Variants in TPD52L1 observed in about 807,000 individuals in gnomAD.
The protein encoded by TPD52L1 is tumor protein D53.
In TPD52L1, 18 loss-of-function variants were observed where a neutral mutation model predicts 28.7. The ratio of observed to expected loss-of-function variants is 0.63; its 90% CI spans 0.43 to 0.93. TPD52L1 has a LOEUF of 0.93. Ranked by LOEUF, TPD52L1 falls within the 40% of genes least tolerant of loss-of-function variation. TPD52L1 has a pLI of 0.00. For synonymous variants in TPD52L1, 75 were observed against 88.8 expected, an observed-to-expected ratio of 0.84 and a Z score of 0.88; for missense variants, 203 against 254.8, an observed-to-expected ratio of 0.80 and a Z score of 1.39.
chr6:125,193,462 C>G (rs904296048), intron 1 of TPD52L1, among the ~76,000 whole-genome samples: 1 of 151,968 alleles, frequency 6.6e-6, no homozygotes, highest in African/African-American at 2.4e-5. Context: ...AGCTGAGAAC[C>G]AGTAGACTCA....
intron 3 of TPD52L1, among the ~76,000 whole-genome samples, chr6:125,234,826 C>G (rs1796158738): frequency 6.6e-6 from 1 of 152,056 alleles, no homozygotes. Context: ...AGTGCCATGG[C>G]TCACACCTAT....
intron 1 of TPD52L1, among the ~76,000 whole-genome samples, chr6:125,195,970 C>T (rs543979816): frequency 2.0e-5 from 3 of 152,252 alleles, no homozygotes; most frequent in Admixed American, 6.5e-5. Flanking sequence ...CATTGTATCT[C>T]CAGGACCTAG....
rs933536624 is a variant in TPD52L1 at position 125,153,906 on chromosome 6, G to A, written c.-46G>A. On this transcript the variant is annotated 5_prime_UTR_variant, in exon 1 of 7. Coordinates refer to ENST00000534000, the MANE Select transcript of TPD52L1 (RefSeq NM_003287.4). ...TGGGCGCAGCTGCCATCTGCTCTGG[G>A]AAGCACCAGGGTGTCCCCGCCGCCC... 1.5e-5 allele frequency: 24 copies of A among 1,585,882 alleles called. No individual in the cohort carries two copies. The highest frequency in any genetic ancestry group is 2.3e-5 in the South Asian group (2 of 87,382).
chr6:125,211,261 G>GTCTATCTATCTATCTATCTA (rs58864276), intron 1 of TPD52L1, among the ~76,000 whole-genome samples: 4 of 148,852 alleles, frequency 2.7e-5, no homozygotes, highest in Non-Finnish European at 5.9e-5. Flanking sequence ...ATATGGATCT[G>GTCTATCTATCTATCTATCTA]TCTATCTATC....
chr6:125,187,506 A>G (rs1792722090), intron 1 of TPD52L1, among the ~76,000 whole-genome samples: 1 of 152,206 alleles, frequency 6.6e-6, no homozygotes, highest in Non-Finnish European at 1.5e-5. Context: ...GAAAAAAATA[A>G]AATAAAATAA....
intron 5 of TPD52L1, among the ~76,000 whole-genome samples, chr6:125,256,450 C>A (rs540319057): frequency 6.6e-6 from 1 of 152,304 alleles, no homozygotes; most frequent in African/African-American, 2.4e-5. Context: ...TAATAACCTC[C>A]ATTTTGATTG....
chr6:125,192,562 C>T (rs183060246), intron 1 of TPD52L1, among the ~76,000 whole-genome samples: 4 of 148,998 alleles, frequency 2.7e-5, no homozygotes, highest in African/African-American at 9.7e-5. Flanking sequence ...GGAAGTAGCA[C>T]CTTAACAGAG....
In TPD52L1 at chr6:125,248,341, G is replaced by A. The variant is rs1406808468; in HGVS notation, c.344G>A (p.Ser115Asn). Residue 115 changes from serine (S) to asparagine (N), a missense_variant, in exon 4 of 7, where the codon AGC becomes AAC. Ser to Asn is a conservative substitution (Grantham distance 46). Coordinates refer to ENST00000534000, the MANE Select transcript of TPD52L1 (RefSeq NM_003287.4). ...GGGCAAAAGGCAACTGCAGCTTTCA[G>A]CAACGTTGGAACGGCCATCAGCAAG... ...HAGQKATAAF[S>N]NVGTAISKKF... is the part of the protein sequence containing the mutation. 1 of 1,614,068 alleles carries A rather than the reference G, an allele frequency of 6.2e-7. No homozygotes were observed. Among genetic ancestry groups the A allele is most frequent in the Non-Finnish European group, 8.5e-7 (1 of 1,180,034 alleles).
Position 125,220,139 on chromosome 6 carries a change from C to T in TPD52L1, c.81C>T (p.Phe27=), listed in dbSNP as rs1795140165. ...AAGATGCAGTAGCCAGTGCTGACTT[C>T]TCTAGCATGCTCTCTGAGGAGGAAA... ...TDEDAVASAD[F]SSMLSEEEKE... The change falls in exon 2 of 7, where the codon TTC becomes TTT. Residue 27 remains phenylalanine (F), a synonymous_variant. Transcript: ENST00000534000. 6.2e-7 allele frequency: 1 copy of T among 1,613,800 alleles called. No homozygotes were observed. Among genetic ancestry groups the T allele is most frequent in the African/African-American group, 1.3e-5 (1 of 74,980 alleles).
chr6:125,168,895 A>T (rs1338125827), intron 1 of TPD52L1, among the ~76,000 whole-genome samples: 2 of 152,242 alleles, frequency 1.3e-5, no homozygotes, highest in East Asian at 1.9e-4. Flanking sequence ...TGTTTCAAAC[A>T]TAATGGCCCC....
intron 3 of TPD52L1, among the ~76,000 whole-genome samples, chr6:125,241,438 G>A (rs1043057444): frequency 2.0e-5 from 3 of 151,878 alleles, no homozygotes; most frequent in Non-Finnish European, 1.5e-5. Flanking sequence ...AGCTGTGAAT[G>A]TATATGGCCC....
intron 1 of TPD52L1, among the ~76,000 whole-genome samples, chr6:125,193,078 T>C (rs1350699535): frequency 1.3e-5 from 2 of 152,234 alleles, no homozygotes; most frequent in Non-Finnish European, 2.9e-5. Flanking sequence ...CTTTTGCAGA[T>C]GAGGAAAGTG....
Position 125,210,644 on chromosome 6 carries a change from G to A in TPD52L1, c.20-9434G>A, listed in dbSNP as rs1488892151. On this transcript the variant is annotated intron_variant, in intron 1 of 6. Coordinates refer to ENST00000534000, the MANE Select transcript of TPD52L1 (RefSeq NM_003287.4). ...GAAATATTTTTGCTTCTTGAGGACA[G>A]AATAATAGCTTCTGTTCTTTCTTCT... is the stretch of plus-strand genomic sequence containing the variant. Among the ~76,000 whole-genome samples, 3 of 152,172 alleles carry A rather than the reference G, an allele frequency of 2.0e-5. No homozygotes were observed. In the East Asian group the frequency reaches 5.8e-4, roughly 29 times the overall value.
chr6:125,260,069 G>A (rs533240931), intron 6 of TPD52L1: 99 of 152,238 alleles, frequency 6.5e-4, no homozygotes, highest in African/African-American at 2.3e-3. Flanking sequence ...AAACAGGAGA[G>A]AATAATGAAA....
intron 1 of TPD52L1, chr6:125,214,545 G>C: frequency 1.5e-6 from 1 of 651,934 alleles, no homozygotes; most frequent in Non-Finnish European, 1.9e-6. Flanking sequence ...TATGCCAAGA[G>C]AGAAATAATG....
chr6:125,221,027 C>T (rs867757635), intron 2 of TPD52L1, among the ~76,000 whole-genome samples: 1 of 152,214 alleles, frequency 6.6e-6, no homozygotes, highest in Non-Finnish European at 1.5e-5. Context: ...GGCCTCTCCA[C>T]AGGCTGAGGA....
At chr6:125,169,266 A>G (rs935446013) in intron 1 of TPD52L1, among the ~76,000 whole-genome samples, 3 of 151,924 alleles carry the variant, frequency 2.0e-5, no homozygotes, top group South Asian at 4.2e-4. Flanking sequence ...TCTTCTTTCT[A>G]TCTACACTAG....
At chr6:125,184,835 T>G (rs1022578432) in intron 1 of TPD52L1, among the ~76,000 whole-genome samples, 1 of 150,240 alleles carries the variant, frequency 6.7e-6, no homozygotes, top group South Asian at 2.1e-4. Flanking sequence ...ATTGTAAATA[T>G]AAAATAAGAA....
chr6:125,240,233 A>G (rs923710845), intron 3 of TPD52L1, among the ~76,000 whole-genome samples: 2 of 152,144 alleles, frequency 1.3e-5, no homozygotes, highest in African/African-American at 4.8e-5. Flanking sequence ...ACAGCCTTGT[A>G]GTATAGTTTG....
Sources: gnomAD v4.1 joint callset for allele counts (sites outside exome capture counted in the v4.1 genomes callset) on GRCh38, gnomAD v4.1.1 for gene constraint, MANE v1.5 for transcripts, NCBI Gene and HGNC (gene_info 2026-07-23, HGNC 2026-07-21) for gene names.